C20orf203: variants seen among roughly 807,000 people sequenced by gnomAD.
C20orf203 encodes the protein chromosome 20 open reading frame 203, also known as uncharacterized protein C20orf203.
Under a neutral mutation model 15.9 loss-of-function variants are expected in C20orf203, and 16 were observed. The observed-to-expected ratio is 1.01, with a 90% CI of 0.68 to 1.53. The LOEUF is 1.53. Among genes scored for constraint, C20orf203 ranks in the 40% most tolerant of loss-of-function variants. The probability of loss-of-function intolerance (pLI) is 0.00; values close to 1 mark genes in which losing one functional copy is unlikely to be tolerated. For missense variants in C20orf203, 263 were observed against 247.5 expected (o/e 1.06, Z -0.42); for synonymous variants, 98 against 97.2 (o/e 1.01, Z -0.05).
chr20:32,652,473 G>T (rs1423482833), intron 1 of C20orf203, among the ~76,000 whole-genome samples: 1 of 151,542 alleles, frequency 6.6e-6, no homozygotes, highest in African/African-American at 2.4e-5. Context: ...CAAAGGTTTT[G>T]ATTTTATTTG....
intron 1 of C20orf203, among the ~76,000 whole-genome samples, chr20:32,663,801 C>T (rs1452043608): frequency 6.6e-6 from 1 of 152,204 alleles, no homozygotes; most frequent in Admixed American, 6.5e-5. Context: ...CACAGGAGGC[C>T]TAGGACGGCC....
At chr20:32,652,362 G>T (rs1982656165) in intron 1 of C20orf203, among the ~76,000 whole-genome samples, 1 of 147,118 alleles carries the variant, frequency 6.8e-6, no homozygotes, top group South Asian at 2.1e-4. Context: ...AATACCCCTG[G>T]CATCAGAGGG....
intron 1 of C20orf203, among the ~76,000 whole-genome samples, chr20:32,666,811 A>ATATATATATATATATATATG (rs1392409404): frequency 6.7e-5 from 7 of 104,516 alleles, no homozygotes; most frequent in Non-Finnish European, 1.5e-4. Context: ...ATATATATAT[A>ATATATATATATATATATATG]TATATATATA....
chr20:32,666,457 AC>A (rs1014567336), intron 1 of C20orf203, among the ~76,000 whole-genome samples: 1 of 145,232 alleles, frequency 6.9e-6, no homozygotes, highest in Admixed American at 7.0e-5. Context: ...ACAAAGTGAG[AC>A]TCTGTCTCAA....
intron 4 of C20orf203, among the ~76,000 whole-genome samples, chr20:32,648,687 C>T (rs1414500400): frequency 2.6e-5 from 4 of 151,266 alleles, no homozygotes; most frequent in African/African-American, 7.3e-5. Flanking sequence ...CTCCTGACCT[C>T]GTGATCCGCC....
chr20:32,665,216 C>T (rs1418581258), intron 1 of C20orf203, among the ~76,000 whole-genome samples: 1 of 152,188 alleles, frequency 6.6e-6, no homozygotes, highest in African/African-American at 2.4e-5. Flanking sequence ...ATCACCTACT[C>T]CTGTTTGGGC....
At chr20:32,673,399 C>T (rs929840407) in intron 1 of C20orf203, among the ~76,000 whole-genome samples, 2 of 152,110 alleles carry the variant, frequency 1.3e-5, no homozygotes, top group Non-Finnish European at 2.9e-5. Flanking sequence ...CCATAGCTGC[C>T]GGAGATGGGC....
chr20:32,669,613 C>T (rs942754541), intron 1 of C20orf203, among the ~76,000 whole-genome samples: 8 of 152,164 alleles, frequency 5.3e-5, no homozygotes, highest in Non-Finnish European at 7.4e-5. Flanking sequence ...TATCCACATG[C>T]GAAAGAATGA....
chr20:32,661,124 G>A (rs971309017), intron 1 of C20orf203, among the ~76,000 whole-genome samples: 20 of 152,180 alleles, frequency 1.3e-4, no homozygotes, highest in Non-Finnish European at 2.4e-4. Context: ...TGTGCGGGAG[G>A]CGGCAAGAAA....
chr20:32,672,906 C>T (rs57861317), intron 1 of C20orf203, among the ~76,000 whole-genome samples: 19,185 of 152,152 alleles, frequency 0.13, 1,526 homozygotes, highest in East Asian at 0.29. Flanking sequence ...TAAACAGACC[C>T]AGCATAGGAG....
At chr20:32,659,298 G>C (rs1054210829) in intron 1 of C20orf203, among the ~76,000 whole-genome samples, 1 of 152,192 alleles carries the variant, frequency 6.6e-6, no homozygotes, top group Admixed American at 6.5e-5. Context: ...GTTTCTGGCC[G>C]TACAATTCAC....
chr20:32,647,821 C>A (rs2145668209), intron 4 of C20orf203, among the ~76,000 whole-genome samples: 1 of 152,314 alleles, frequency 6.6e-6, no homozygotes, highest in Non-Finnish European at 1.5e-5. Flanking sequence ...GGTGCATAGC[C>A]TGGAGTGCAG....
At chr20:32,652,389 A>C (rs376767431) in intron 1 of C20orf203, among the ~76,000 whole-genome samples, 63 of 148,946 alleles carry the variant, frequency 4.2e-4, no homozygotes, top group African/African-American at 1.4e-3. Flanking sequence ...GCAGCCCTCC[A>C]TGCAAAGGGG....
intron 1 of C20orf203, among the ~76,000 whole-genome samples, chr20:32,660,836 T>C (rs576532561): frequency 2.0e-5 from 3 of 152,234 alleles, no homozygotes; most frequent in Admixed American, 6.5e-5. Flanking sequence ...CATGTCCTTC[T>C]TCACACGGCG....
intron 4 of C20orf203, among the ~76,000 whole-genome samples, chr20:32,642,263 C>A (rs1038401016): frequency 6.6e-6 from 1 of 152,224 alleles, no homozygotes; most frequent in Non-Finnish European, 1.5e-5. Flanking sequence ...TATGCCCCAC[C>A]GCCAGGGACA....
At chr20:32,636,017 C>A (rs1297604137) in intron 5 of C20orf203, among the ~76,000 whole-genome samples, 2 of 152,306 alleles carry the variant, frequency 1.3e-5, no homozygotes, top group African/African-American at 4.8e-5. Flanking sequence ...CTTTCTCTCT[C>A]CATCTGGCAC....
At chr20:32,648,494 A>C (rs1300775257) in intron 4 of C20orf203, among the ~76,000 whole-genome samples, 1 of 122,870 alleles carries the variant, frequency 8.1e-6, no homozygotes, top group Non-Finnish European at 1.6e-5. Flanking sequence ...AGGCTGGAGT[A>C]CAGTAGTGTG....
At chr20:32,637,199 G>A (rs1279024082) in intron 5 of C20orf203, among the ~76,000 whole-genome samples, 1 of 152,210 alleles carries the variant, frequency 6.6e-6, no homozygotes, top group Non-Finnish European at 1.5e-5. Flanking sequence ...GATCTCCTGA[G>A]GTCAGGAGCT....
intron 1 of C20orf203, chr20:32,656,936 T>C (rs923852641): frequency 2.0e-5 from 3 of 151,632 alleles, no homozygotes; most frequent in African/African-American, 7.3e-5. Context: ...AACCCAAATG[T>C]CCATCAGCTG....
Sources: gnomAD v4.1 joint callset for allele counts (sites outside exome capture counted in the v4.1 genomes callset) on GRCh38, gnomAD v4.1.1 for gene constraint, MANE v1.5 for transcripts, NCBI Gene and HGNC (gene_info 2026-07-23, HGNC 2026-07-21) for gene names.